Variants in ENTHD1 observed in about 807,000 individuals in gnomAD.
The protein encoded by ENTHD1 is ENTH domain-containing protein 1.
In ENTHD1, 23 loss-of-function variants were observed where a neutral mutation model predicts 39.1. The observed-to-expected ratio is 0.59, with a 90% CI of 0.42 to 0.83. ENTHD1 has a LOEUF of 0.83. ENTHD1 is among the 40% of genes least tolerant of loss of function. The pLI, the probability that ENTHD1 is intolerant of heterozygous loss-of-function variation, is 0.00. For synonymous variants in ENTHD1, 230 were observed against 258.2 expected (o/e 0.89, Z 1.05); for missense variants, 624 against 705.4 (o/e 0.88, Z 1.31).
At chr22:39,874,683 T>C (rs1297594100) in intron 2 of ENTHD1, among the ~76,000 whole-genome samples, 1 of 152,094 alleles carries the variant, frequency 6.6e-6, no homozygotes, top group Non-Finnish European at 1.5e-5. Context: ...AATAAAAAGA[T>C]AAAATGTTAA....
chr22:39,744,150 A>G lies in ENTHD1; in HGVS notation c.1353T>C (p.His451=). 1 of 1,614,154 alleles carries G rather than the reference A, an allele frequency of 6.2e-7. No homozygotes were observed. The highest frequency in any genetic ancestry group is 8.5e-7 in the Non-Finnish European group (1 of 1,180,000). ...TAAAGGAGGTAGAAGACAACTGTTGATGGGACAGAGTCCAGAAGGAAGGTC... is the reference window on the plus strand; with the variant it reads ...TAAAGGAGGTAGAAGACAACTGTTGGTGGGACAGAGTCCAGAAGGAAGGTC... ...LAGPSFWTLS[H]QQLSSTSFKD... is the part of the protein sequence containing the mutation. Residue 451 remains histidine, a synonymous_variant, in exon 7 of 7, where the codon CAT becomes CAC. Transcript: ENST00000325157.
chr22:39,847,083 C>T (rs1446798861), intron 3 of ENTHD1, among the ~76,000 whole-genome samples: 2 of 151,964 alleles, frequency 1.3e-5, no homozygotes, highest in South Asian at 2.1e-4. Flanking sequence ...ATGTTTATTG[C>T]GTCACTATTC....
intron 1 of ENTHD1, among the ~76,000 whole-genome samples, chr22:39,888,242 CTCTTTCTT>C (rs768772776): frequency 1.6e-4 from 24 of 147,232 alleles, no homozygotes; most frequent in African/African-American, 5.0e-4. Flanking sequence ...ACTCTGACAT[CTCTTTCTT>C]TCTTTCTTTC....
intron 5 of ENTHD1, 43 bp from the exon 6 acceptor site, chr22:39,765,652 G>T: frequency 6.7e-7 from 1 of 1,490,706 alleles, no homozygotes; most frequent in South Asian, 1.3e-5. Context: ...AAATAAAACT[G>T]AAAATACTCT....
At chr22:39,781,808 G>A (rs1473396898) in intron 5 of ENTHD1, among the ~76,000 whole-genome samples, 1 of 151,894 alleles carries the variant, frequency 6.6e-6, no homozygotes, top group Non-Finnish European at 1.5e-5. Context: ...AATAACATCA[G>A]AAACAAACAA....
At chr22:39,872,374 A>C (rs2066251133) in intron 2 of ENTHD1, among the ~76,000 whole-genome samples, 1 of 152,174 alleles carries the variant, frequency 6.6e-6, no homozygotes, top group African/African-American at 2.4e-5. Context: ...CTTGAAAAGG[A>C]AGACCTCAGA....
Position 39,744,221 on chromosome 22 carries a change from C to T in ENTHD1, c.1282G>A (p.Ala428Thr). ...AGATGAGCTGACTTCTCTGGAGAGG[C>T]TAAATCAGGAGATGACATGGATAAA... Reference protein sequence around the residue: ...SPLSMSSPDLASPEKSAHLLS... With the variant: ...SPLSMSSPDLTSPEKSAHLLS... Residue 428 changes from alanine (A) to threonine (T), a missense_variant, in exon 7 of 7, where the codon GCC becomes ACC. By Grantham distance (58) the Ala-to-Thr change is moderately conservative. Coordinates refer to ENST00000325157, the MANE Select transcript of ENTHD1 (RefSeq NM_152512.4). The T allele has an allele frequency of 1.2e-6, 2 of 1,613,812 alleles. No homozygotes were observed. Among genetic ancestry groups the T allele is most frequent in the South Asian group, 2.2e-5 (2 of 91,000 alleles).
intron 3 of ENTHD1, among the ~76,000 whole-genome samples, chr22:39,857,533 G>C (rs1483794038): frequency 1.3e-5 from 2 of 151,220 alleles, no homozygotes; most frequent in East Asian, 3.9e-4. Context: ...AATCAGAGTT[G>C]GGTTACTTCT....
chr22:39,885,603 A>C (rs773521612), intron 2 of ENTHD1, among the ~76,000 whole-genome samples: 1 of 152,226 alleles, frequency 6.6e-6, no homozygotes, highest in Non-Finnish European at 1.5e-5. Context: ...CAGATGAGTA[A>C]ATTTTTTAAA....
chr22:39,765,639 A>C, intron 5 of ENTHD1, 30 bp from the exon 6 acceptor site: 1 of 1,542,358 alleles, frequency 6.5e-7, no homozygotes, highest in South Asian at 1.2e-5. Context: ...AGCTATAATC[A>C]AAAAATAAAA....
intron 6 of ENTHD1, among the ~76,000 whole-genome samples, chr22:39,764,987 A>G (rs920324203): frequency 1.3e-5 from 2 of 152,146 alleles, no homozygotes; most frequent in Non-Finnish European, 2.9e-5. Flanking sequence ...CTTATATTCA[A>G]CCAAGGACTC....
chr22:39,803,222 A>C (rs1382001545), intron 5 of ENTHD1, among the ~76,000 whole-genome samples: 1 of 151,970 alleles, frequency 6.6e-6, no homozygotes, highest in African/African-American at 2.4e-5. Context: ...TTCTAGCCAC[A>C]ACGGCCTCCT....
intron 3 of ENTHD1, among the ~76,000 whole-genome samples, chr22:39,856,064 C>T (rs530901324): frequency 3.2e-4 from 48 of 152,058 alleles, no homozygotes; most frequent in Middle Eastern, 6.8e-3. Context: ...CACCTGAGGT[C>T]GGGAGTTCAA....
At chr22:39,858,735 A>G (rs905304883) in intron 3 of ENTHD1, among the ~76,000 whole-genome samples, 2 of 152,210 alleles carry the variant, frequency 1.3e-5, no homozygotes, top group Non-Finnish European at 2.9e-5. Context: ...TTGGGTGACC[A>G]GGTGCACTGT....
At chr22:39,888,635 C>G (rs919286095) in intron 1 of ENTHD1, among the ~76,000 whole-genome samples, 1 of 152,042 alleles carries the variant, frequency 6.6e-6, no homozygotes, top group Admixed American at 6.6e-5. Context: ...ACCATGTTGG[C>G]GAGGCTGGTC....
intron 5 of ENTHD1, among the ~76,000 whole-genome samples, chr22:39,795,467 C>T (rs1334704819): frequency 6.6e-6 from 1 of 151,614 alleles, no homozygotes; most frequent in Non-Finnish European, 1.5e-5. Context: ...ACTTTGTCAC[C>T]CAGGCTGGAG....
rs752857604 is a variant in ENTHD1 at position 39,744,031 on chromosome 22, A to G, written c.1472T>C (p.Leu491Pro). 2.5e-6 allele frequency: 4 copies of G among 1,614,200 alleles called. No homozygotes were observed. Among genetic ancestry groups the G allele is most frequent in the Non-Finnish European group, 3.4e-6 (4 of 1,180,004 alleles). ...ATCAGAGTTATTTGGAAGAATTCCC[A>G]GTAGATTGAGGCTATCATTTTCCTC... The part of the protein sequence containing the change: ...DVEENDSLNL[L>P]GILPNNSDSA... The change falls in exon 7 of 7, where the codon CTG becomes CCG. Residue 491 changes from leucine to proline, a missense_variant. Physicochemically the swap from Leu to Pro is moderately conservative, Grantham distance 98. Transcript: ENST00000325157.
At chr22:39,848,161 G>A (rs927777364) in intron 3 of ENTHD1, among the ~76,000 whole-genome samples, 1 of 152,118 alleles carries the variant, frequency 6.6e-6, no homozygotes, top group Non-Finnish European at 1.5e-5. Flanking sequence ...GCCAACAATA[G>A]TGCTTCAAAT....
intron 2 of ENTHD1, among the ~76,000 whole-genome samples, chr22:39,871,277 C>T (rs2066241811): frequency 1.3e-5 from 2 of 151,872 alleles, no homozygotes; most frequent in South Asian, 4.2e-4. Context: ...AATATCTGTT[C>T]TAGGAAATGA....
Sources: allele counts gnomAD v4.1 joint callset (sites outside exome capture counted in the v4.1 genomes callset), GRCh38; gene constraint gnomAD v4.1.1; transcripts MANE v1.5; gene names NCBI Gene and HGNC (gene_info 2026-07-23, HGNC 2026-07-21).